SEPTIN9: variants seen among roughly 807,000 people sequenced by gnomAD.
SEPTIN9 encodes the protein septin 9, also known as septin-9.
In SEPTIN9, 13 loss-of-function variants were observed where a neutral mutation model predicts 56.6. The observed-to-expected ratio is 0.23, with a 90% CI of 0.15 to 0.37. The LOEUF is 0.37. Ranked by LOEUF, SEPTIN9 falls within the 10% of genes least tolerant of loss-of-function variation. The pLI, the probability that SEPTIN9 is intolerant of heterozygous loss-of-function variation, is 1.00. For missense variants in SEPTIN9, 650 were observed against 823.1 expected, an observed-to-expected ratio of 0.79 and a Z score of 2.57; for synonymous variants, 332 against 334.1, an observed-to-expected ratio of 0.99 and a Z score of 0.07.
intron 3 of SEPTIN9, chr17:77,419,914 C>T (rs1375901561): frequency 6.6e-6 from 1 of 152,326 alleles, no homozygotes; most frequent in Non-Finnish European, 1.5e-5. Context: ...GCTGCAAAAC[C>T]ACCCATTGGG....
At chr17:77,293,587 A>G (rs2031669217) in intron 1 of SEPTIN9, among the ~76,000 whole-genome samples, 1 of 152,258 alleles carries the variant, frequency 6.6e-6, no homozygotes. Context: ...GTGGGCTTAT[A>G]CAGCCCTCTA....
chr17:77,343,657 G>T (rs573458084), intron 2 of SEPTIN9, among the ~76,000 whole-genome samples: 4 of 152,324 alleles, frequency 2.6e-5, no homozygotes, highest in Non-Finnish European at 4.4e-5. Flanking sequence ...CTCTGAAGTT[G>T]AGGGCAGTCT....
chr17:77,405,241 C>T lies in SEPTIN9; in HGVS notation c.721+2538C>T. On this transcript the variant is annotated intron_variant, in intron 3 of 11. Transcript: ENST00000427177. This position sits in a 1 kb window ranked among gnomAD's most constrained non-coding sequence, Gnocchi z 5.8. ...CAGAGACTGTGCCGGGAGCCAGGCC[C>T]AGGGACACAACCTGCGGGCTCTGCT... 9.8e-7 allele frequency: 1 copy of T among 1,018,844 alleles called. No homozygotes were observed. The highest frequency in any genetic ancestry group is 1.5e-5 in the South Asian group (1 of 65,644). The allele number at this position is 1,018,844 out of a possible 1,614,324, so 63.1% of individuals were successfully genotyped here. A position where few individuals can be genotyped will look rare whatever the true frequency, so the allele number is the denominator to read the frequency against.
chr17:77,495,295 A>G (rs763220134), intron 10 of SEPTIN9, among the ~76,000 whole-genome samples: 4 of 152,210 alleles, frequency 2.6e-5, no homozygotes, highest in African/African-American at 9.6e-5. Context: ...CCCACTTTCC[A>G]GCAGTCTTAT....
intron 2 of SEPTIN9, among the ~76,000 whole-genome samples, chr17:77,325,036 C>T (rs746490012): frequency 1.6e-4 from 25 of 152,054 alleles, no homozygotes; most frequent in Non-Finnish European, 2.9e-4. Flanking sequence ...CTAAGTTGGT[C>T]TCGAACTCCT....
chr17:77,314,341 C>CTT (rs33986509), intron 2 of SEPTIN9, among the ~76,000 whole-genome samples: 79 of 67,954 alleles, frequency 1.2e-3, no homozygotes, highest in African/African-American at 2.4e-3. Context: ...TGTGCCTGGA[C>CTT]TTTTTTTTTT....
intron 1 of SEPTIN9, among the ~76,000 whole-genome samples, chr17:77,301,351 C>T (rs1165188767): frequency 6.6e-6 from 1 of 151,738 alleles, no homozygotes; most frequent in Admixed American, 6.6e-5. Flanking sequence ...GCCACTGCAC[C>T]TGGCCTCTCT....
intron 1 of SEPTIN9, among the ~76,000 whole-genome samples, chr17:77,289,478 A>G (rs1405926346): frequency 8.4e-5 from 11 of 131,242 alleles, no homozygotes; most frequent in Non-Finnish European, 1.6e-5. Context: ...GCGCGATCTC[A>G]GCTCACTGCA....
At position 77,367,005 on chromosome 17, in the gene SEPTIN9, A is replaced by T. The variant is rs530451870; in HGVS notation, c.77-35054A>T. On this transcript the variant is annotated intron_variant, in intron 2 of 11. Coordinates refer to ENST00000427177, the MANE Select transcript of SEPTIN9 (RefSeq NM_001113491.2). The surrounding 1 kb of genome is among the most constrained non-coding windows in gnomAD (Gnocchi z 4.5). ...GTTCTGCACAAAGCAGGCTGGGGGG[A>T]TCACTGGGAAGTCTGGGGAACAGAT... Among the ~76,000 whole-genome samples the T allele has an allele frequency of 6.6e-6, 1 of 152,282 alleles. No homozygotes were observed. Among genetic ancestry groups the T allele is most frequent in the Non-Finnish European group, 1.5e-5 (1 of 68,018 alleles).
intron 3 of SEPTIN9, among the ~76,000 whole-genome samples, chr17:77,420,975 C>A (rs576557028): frequency 1.3e-5 from 2 of 152,322 alleles, no homozygotes; most frequent in African/African-American, 4.8e-5. Flanking sequence ...TTGCCTGAGG[C>A]CCCCACAGTT....
rs142623856 is a variant in SEPTIN9 at position 77,435,203 on chromosome 17, C to T, written c.721+32500C>T. Among the ~76,000 whole-genome samples, 211 of 152,240 alleles carry T rather than the reference C, an allele frequency of 1.4e-3. 2 individuals are homozygous for T. The highest frequency in any genetic ancestry group is 1.3e-3 in the Non-Finnish European group (90 of 67,998). ...CTCTGAGCATGGCAGAGGGAGGGTC[C>T]GAATGCGGAAAGTCTGGCTTCAGTG... On this transcript the variant is annotated intron_variant, in intron 3 of 11. Transcript: ENST00000427177. The surrounding 1 kb of genome is among the most constrained non-coding windows in gnomAD (Gnocchi z 4.5).
intron 2 of SEPTIN9, among the ~76,000 whole-genome samples, chr17:77,363,510 C>T (rs1165385731): frequency 1.3e-5 from 2 of 151,306 alleles, no homozygotes; most frequent in African/African-American, 2.4e-5. Flanking sequence ...GCCTCAGCCT[C>T]CTGAGTAGCT....
At chr17:77,360,495 C>T (rs2034378198) in intron 2 of SEPTIN9, among the ~76,000 whole-genome samples, 1 of 152,138 alleles carries the variant, frequency 6.6e-6, no homozygotes, top group South Asian at 2.1e-4. Flanking sequence ...AATTGGCAAA[C>T]ACTACATATC....
At position 77,389,361 on chromosome 17, in the gene SEPTIN9, C is replaced by T. The variant is rs1391758932; in HGVS notation, c.77-12698C>T. Among the ~76,000 whole-genome samples, 2 of 152,088 alleles carry T rather than the reference C, an allele frequency of 1.3e-5. No individual in the cohort carries two copies. Among genetic ancestry groups the T allele is most frequent in the Non-Finnish European group, 2.9e-5 (2 of 68,000 alleles). On this transcript the variant is annotated intron_variant, in intron 2 of 11. Transcript: ENST00000427177. This position sits in a 1 kb window ranked among gnomAD's most constrained non-coding sequence, Gnocchi z 4.3. ...AGGAGCCAGCATCACGTTTCTCTGT[C>T]TCCAGAATCGAGGACGGAGAGCTGC...
intron 2 of SEPTIN9, among the ~76,000 whole-genome samples, chr17:77,379,164 C>A (rs986505299): frequency 2.0e-5 from 3 of 152,094 alleles, no homozygotes; most frequent in African/African-American, 7.2e-5. Flanking sequence ...GGCTGATGGG[C>A]CAAGGCTGCG....
chr17:77,310,450 C>T lies in SEPTIN9; in HGVS notation c.76+3253C>T, dbSNP rs575188581. On this transcript the variant is annotated intron_variant, in intron 2 of 11. Coordinates refer to ENST00000427177, the MANE Select transcript of SEPTIN9 (RefSeq NM_001113491.2). This position sits in a 1 kb window ranked among gnomAD's most constrained non-coding sequence, Gnocchi z 4.7. ...GTGGAGACTTATCCGTGTAGATCCACGAAGCCTTGGTTCACTTATTTTGGC... is the reference window on the plus strand; with the variant it reads ...GTGGAGACTTATCCGTGTAGATCCATGAAGCCTTGGTTCACTTATTTTGGC... 4.8e-4 allele frequency among the ~76,000 whole-genome samples: 71 copies of T among 148,822 alleles called. No individual in the cohort carries two copies. Among genetic ancestry groups the T allele is most frequent in the African/African-American group, 1.8e-3 (71 of 39,690 alleles).
In SEPTIN9 at chr17:77,405,193, A is replaced by G. The variant is rs2036025742; in HGVS notation, c.721+2490A>G. The G allele has an allele frequency of 6.9e-7, 1 of 1,446,248 alleles. No homozygotes were observed. Among genetic ancestry groups the G allele is most frequent in the Admixed American group, 2.0e-5 (1 of 50,414 alleles). 89.6% of individuals were successfully genotyped at this position (1,446,248 alleles called of 1,614,324 possible). On this transcript the variant is annotated intron_variant, in intron 3 of 11. Transcript: ENST00000427177. This position sits in a 1 kb window ranked among gnomAD's most constrained non-coding sequence, Gnocchi z 5.8. Reference sequence around the variant, plus strand: ...AGAACATTCTCCTCCAGGGGCAGACACAGTTTAGCCCCTAAATTGTGCCAG... The same window carrying G: ...AGAACATTCTCCTCCAGGGGCAGACGCAGTTTAGCCCCTAAATTGTGCCAG...
At chr17:77,308,025 G>A (rs779409989) in intron 2 of SEPTIN9, among the ~76,000 whole-genome samples, 20 of 152,196 alleles carry the variant, frequency 1.3e-4, no homozygotes, top group South Asian at 4.1e-4. Context: ...CACTTCCAGC[G>A]GCCAGGCTGG....
intron 3 of SEPTIN9, among the ~76,000 whole-genome samples, chr17:77,432,382 C>T (rs921699230): frequency 8.5e-5 from 13 of 152,222 alleles, no homozygotes; most frequent in African/African-American, 2.9e-4. Flanking sequence ...TTGTCCCTGT[C>T]ACCTTCTTCC....
Sources: gnomAD v4.1 joint callset for allele counts (sites outside exome capture counted in the v4.1 genomes callset) on GRCh38, gnomAD v4.1.1 for gene constraint, Gnocchi (gnomAD v3.1) non-coding constraint, MANE v1.5 for transcripts, NCBI Gene and HGNC (gene_info 2026-07-23, HGNC 2026-07-21) for gene names.